The following VAMP7 variants were observed in gnomAD, a reference collection of about 807,000 sequenced individuals.
VAMP7 encodes the protein vesicle-associated membrane protein 7.
VAMP7 carries 14 observed loss-of-function variants against 29.6 expected under a neutral mutation model. The observed-to-expected ratio is 0.47, with a 90% CI of 0.31 to 0.74. VAMP7 has a LOEUF of 0.74. VAMP7 is among the 30% of genes least tolerant of loss of function. The probability of loss-of-function intolerance (pLI) is 0.05; values close to 1 mark genes in which losing one functional copy is unlikely to be tolerated. For synonymous variants in VAMP7, 95 were observed against 88.1 expected (o/e 1.08, Z -0.44); for missense variants, 223 against 262.4 (o/e 0.85, Z 1.04).
At chrX:155,908,427 C>T (rs2066182865) in intron 5 of VAMP7, among the ~76,000 whole-genome samples, 1 of 152,144 alleles carries the variant, frequency 6.6e-6, no homozygotes, top group South Asian at 2.1e-4. Context: ...GGCGTGGCAG[C>T]ACTCGGCAGG....
Position 155,918,627 on chromosome X carries a change from G to A in VAMP7, c.434-1186G>A, listed in dbSNP as rs183875243. Among the ~76,000 whole-genome samples the A allele has an allele frequency of 6.6e-3, 1,001 of 152,194 alleles. 4 individuals carry two copies. Among genetic ancestry groups the A allele is most frequent in the Middle Eastern group, 0.014 (4 of 294 alleles). On this transcript the variant is annotated intron_variant, in intron 5 of 7. Transcript: ENST00000286448. Reference sequence around the variant, plus strand: ...CCCACCCTGCTTCGGCTCACCCTCCGTGGGCTGCACCCACTGTCTAACCAG... The same window carrying A: ...CCCACCCTGCTTCGGCTCACCCTCCATGGGCTGCACCCACTGTCTAACCAG...
intron 5 of VAMP7, among the ~76,000 whole-genome samples, chrX:155,913,567 G>T (rs1450769410): frequency 6.6e-6 from 1 of 151,904 alleles, no homozygotes; most frequent in Non-Finnish European, 1.5e-5. Flanking sequence ...TAAGGAAGGG[G>T]GCCAGTTTCA....
At chrX:155,932,040 G>C (rs1452746651) in intron 6 of VAMP7, among the ~76,000 whole-genome samples, 1 of 152,034 alleles carries the variant, frequency 6.6e-6, no homozygotes, top group Admixed American at 6.6e-5. Context: ...TTACTTCTGA[G>C]GGCTCTGTTC....
intron 4 of VAMP7, among the ~76,000 whole-genome samples, chrX:155,899,094 G>C (rs920799969): frequency 4.6e-5 from 7 of 151,754 alleles, no homozygotes; most frequent in African/African-American, 1.5e-4. Flanking sequence ...TAAAGCTGCT[G>C]TTAACCTCCA....
intron 6 of VAMP7, among the ~76,000 whole-genome samples, chrX:155,921,446 C>T (rs1357699520): frequency 6.6e-6 from 1 of 152,100 alleles, no homozygotes; most frequent in African/African-American, 2.4e-5. Context: ...TGACTTATAT[C>T]ACCACAGATA....
At chrX:155,905,734 G>A (rs1162583219) in intron 5 of VAMP7, among the ~76,000 whole-genome samples, 1 of 152,066 alleles carries the variant, frequency 6.6e-6, no homozygotes. Flanking sequence ...CTTTGTTTCT[G>A]GACCTTCAGT....
intron 6 of VAMP7, 123 bp downstream of exon 6, chrX:155,920,003 C>T (rs2066372836): frequency 1.3e-6 from 1 of 764,058 alleles, no homozygotes; most frequent in Admixed American, 2.7e-5. Flanking sequence ...TTTCTCATTT[C>T]CATTATGTGA....
chrX:155,925,383 A>G (rs2066453592), intron 6 of VAMP7, among the ~76,000 whole-genome samples: 2 of 152,202 alleles, frequency 1.3e-5, no homozygotes. Context: ...TCCTTGATTC[A>G]TGGGCAGCAG....
intron 5 of VAMP7, among the ~76,000 whole-genome samples, chrX:155,908,514 C>CAGAGGGAGACCGTGGAAAGAGAGGG (rs2066184632): frequency 6.6e-6 from 1 of 151,834 alleles, no homozygotes; most frequent in Non-Finnish European, 1.5e-5. Flanking sequence ...GGCTGGGCAT[C>CAGAGGGAGACCGTGGAAAGAGAGGG]AGAGGGAGAC....
At chrX:155,921,370 A>G (rs931495588) in intron 6 of VAMP7, among the ~76,000 whole-genome samples, 110 of 152,126 alleles carry the variant, frequency 7.2e-4, no homozygotes, top group Non-Finnish European at 1.4e-3. Flanking sequence ...AAACATTACC[A>G]ACACCCCAGA....
intron 5 of VAMP7, among the ~76,000 whole-genome samples, chrX:155,911,156 A>G (rs1436513313): frequency 6.6e-6 from 1 of 152,156 alleles, no homozygotes; most frequent in Non-Finnish European, 1.5e-5. Flanking sequence ...CCACATATGG[A>G]TATCCAGTTT....
At chrX:155,938,360 T>G (rs2066693308) in intron 6 of VAMP7, among the ~76,000 whole-genome samples, 1 of 152,158 alleles carries the variant, frequency 6.6e-6, no homozygotes. Flanking sequence ...CAAAGACTGG[T>G]GCCCCTGTCA....
chrX:155,888,253 A>G (rs1288607652), intron 1 of VAMP7, among the ~76,000 whole-genome samples: 1 of 152,220 alleles, frequency 6.6e-6, no homozygotes, highest in Non-Finnish European at 1.5e-5. Context: ...CAAACAGTTT[A>G]TAGTTTGCTG....
At chrX:155,914,677 T>G (rs1314826083) in intron 5 of VAMP7, among the ~76,000 whole-genome samples, 2 of 152,176 alleles carry the variant, frequency 1.3e-5, no homozygotes, top group African/African-American at 4.8e-5. Context: ...TTGATTTGCG[T>G]ATGTTGAACC....
intron 6 of VAMP7, among the ~76,000 whole-genome samples, chrX:155,922,717 G>A (rs1244561350): frequency 3.3e-5 from 5 of 151,900 alleles, no homozygotes; most frequent in Non-Finnish European, 7.4e-5. Flanking sequence ...TAAACAAGTT[G>A]GGAAATCTTA....
intron 5 of VAMP7, among the ~76,000 whole-genome samples, chrX:155,918,701 C>T (rs1366612445): frequency 6.6e-6 from 1 of 152,134 alleles, no homozygotes; most frequent in Non-Finnish European, 1.5e-5. Context: ...AGAAATTACC[C>T]ACCTTCTGCA....
At position 155,942,455 on chromosome X, in the gene VAMP7, C is replaced by A. The variant is rs1478762292; in HGVS notation, c.*504C>A. The A allele has an allele frequency of 3.1e-6, 1 of 327,786 alleles. No homozygotes were observed. Among genetic ancestry groups the A allele is most frequent in the African/African-American group, 2.1e-5 (1 of 47,592 alleles). 20.3% of individuals were successfully genotyped at this position (327,786 alleles called of 1,614,324 possible). On this transcript the variant is annotated 3_prime_UTR_variant, in exon 8 of 8. Coordinates refer to ENST00000286448, the MANE Select transcript of VAMP7 (RefSeq NM_005638.6). ...AATTGTAATGATGTTGGTGCTGCTT[C>A]CTTCTAAGAGCTCAGACAAGTAAAG...
chrX:155,935,097 T>A (rs769610942), intron 6 of VAMP7, among the ~76,000 whole-genome samples: 3 of 152,274 alleles, frequency 2.0e-5, no homozygotes, highest in Non-Finnish European at 4.4e-5. Context: ...CTTCCCTTTG[T>A]GGGTAACCCG....
chrX:155,919,838 A>G lies in VAMP7; in HGVS notation c.459A>G (p.Arg153=). The G allele has an allele frequency of 6.2e-7, 1 of 1,613,374 alleles. No homozygotes were observed. Among genetic ancestry groups the G allele is most frequent in the South Asian group, 1.1e-5 (1 of 90,850 alleles). ...ATCTGGTAGCTCAGCGAGGAGAAAG[A>G]TTGGAATTATTGATTGACAAAACAG... is the stretch of plus-strand genomic sequence containing the variant. ...NIDLVAQRGE[R]LELLIDKTEN... Residue 153 remains arginine (R), a synonymous_variant, in exon 6 of 8, where the codon AGA becomes AGG. Coordinates refer to ENST00000286448, the MANE Select transcript of VAMP7 (RefSeq NM_005638.6).
Sources: allele counts gnomAD v4.1 joint callset (sites outside exome capture counted in the v4.1 genomes callset), GRCh38; gene constraint gnomAD v4.1.1; transcripts MANE v1.5; gene names NCBI Gene and HGNC (gene_info 2026-07-23, HGNC 2026-07-21).